SANBR: variants seen among roughly 807,000 people sequenced by gnomAD.
The protein encoded by SANBR is SANT and BTB domain regulator of CSR, also known as SANT and BTB domain regulator of class switch recombination.
A neutral mutation model predicts 101.8 loss-of-function variants in SANBR; 77 were observed. That is an observed-to-expected ratio of 0.76 (90% confidence interval 0.63 to 0.91). The LOEUF (loss-of-function observed/expected upper bound fraction) is 0.91. SANBR is among the 40% of genes least tolerant of loss of function. The pLI is 0.00. For synonymous variants in SANBR, 279 were observed against 274.7 expected (o/e 1.02, Z -0.15); for missense variants, 875 against 853.0 (o/e 1.03, Z -0.32).
intron 6 of SANBR, among the ~76,000 whole-genome samples, chr2:61,078,184 G>A (rs868516980): frequency 1.3e-5 from 2 of 152,116 alleles, no homozygotes; most frequent in Non-Finnish European, 2.9e-5. Context: ...AAAGTCATGC[G>A]TGAGTGAAAG....
chr2:61,098,385 T>C (rs1683135867), intron 12 of SANBR, among the ~76,000 whole-genome samples: 1 of 152,172 alleles, frequency 6.6e-6, no homozygotes, highest in South Asian at 2.1e-4. Flanking sequence ...ATTACAGGTG[T>C]GAGCCACCAC....
At chr2:61,082,489 A>G (rs80199305) in intron 7 of SANBR, among the ~76,000 whole-genome samples, 5,916 of 152,236 alleles carry the variant, frequency 0.039, 125 homozygotes, top group African/African-American at 0.04. Context: ...TCTGCCACCC[A>G]GGGAAAAGGA....
In SANBR at chr2:61,101,694, C is replaced by T. The variant is rs534669725; in HGVS notation, c.1366-2159C>T. Among the ~76,000 whole-genome samples the T allele has an allele frequency of 1.0e-4, 15 of 149,542 alleles. No homozygotes were observed. In the South Asian group the frequency reaches 3.0e-3, roughly 30 times the overall value. ...CTTACAGTGAGCTGAGATCACTGCA[C>T]GGCAGCCTGGGCAACAGAGCGAGAC... is the stretch of plus-strand genomic sequence containing the variant. On this transcript the variant is annotated intron_variant, in intron 12 of 21. Coordinates refer to ENST00000402291, the MANE Select transcript of SANBR (RefSeq NM_001129993.3).
intron 13 of SANBR, among the ~76,000 whole-genome samples, chr2:61,104,728 G>T (rs1486023052): frequency 6.6e-6 from 1 of 151,982 alleles, no homozygotes; most frequent in Non-Finnish European, 1.5e-5. Context: ...TCATCATTTT[G>T]CAATGGCAGC....
In SANBR at chr2:61,091,280, A is replaced by C. The variant is rs77409317; in HGVS notation, c.1089-1184A>C. Among the ~76,000 whole-genome samples the C allele has an allele frequency of 9.0e-4, 137 of 152,112 alleles. 2 individuals are homozygous for C. In the East Asian group the frequency reaches 0.025, roughly 28 times the overall value. On this transcript the variant is annotated intron_variant, in intron 10 of 21. Transcript: ENST00000402291. Reference sequence around the variant, plus strand: ...GCAACATAGTGAGGCCCCCTTCTCTACAAAAATTGTTTTATATTAGCCAGG... The same window carrying C: ...GCAACATAGTGAGGCCCCCTTCTCTCCAAAAATTGTTTTATATTAGCCAGG...
In SANBR at chr2:61,088,379, T is replaced by G. The variant is rs1294235426; in HGVS notation, c.999T>G (p.Leu333=). Residue 333 remains leucine (L), a synonymous_variant, in exon 10 of 22, where the codon CTT becomes CTG. Transcript: ENST00000402291. ...TLYRCCLCKK[L]LTKETERRIP... ...ATAGATGCTGTTTGTGTAAGAAACT[T>G]TTAACAAAAGAAACAGAAAGAAGAA... 6.3e-7 allele frequency: 1 copy of G among 1,596,732 alleles called. No homozygotes were observed. The highest frequency in any genetic ancestry group is 8.5e-7 in the Non-Finnish European group (1 of 1,173,298).
In SANBR at chr2:61,097,866, A is replaced by G. The variant is rs1193393061; in HGVS notation, c.1365+14A>G. ...CAGCTTACAAAGGTGAATTTTGAATATTGCCCTTAGTAGCTACAGTTTTTA... is the reference window on the plus strand; with the variant it reads ...CAGCTTACAAAGGTGAATTTTGAATGTTGCCCTTAGTAGCTACAGTTTTTA... On this transcript the variant is annotated intron_variant, in intron 12 of 21. Transcript: ENST00000402291. 1 of 1,605,324 alleles carries G rather than the reference A, an allele frequency of 6.2e-7. No homozygotes were observed. Among genetic ancestry groups the G allele is most frequent in the Non-Finnish European group, 8.5e-7 (1 of 1,174,630 alleles).
intron 11 of SANBR, 127 bp downstream of exon 11, chr2:61,092,714 G>A: frequency 2.7e-6 from 2 of 745,324 alleles, no homozygotes; most frequent in South Asian, 5.8e-5. Context: ...AAAGAAACTA[G>A]TGGCAGCTGG....
At chr2:61,096,928 C>T (rs770262277) in intron 11 of SANBR, among the ~76,000 whole-genome samples, 8 of 152,144 alleles carry the variant, frequency 5.3e-5, no homozygotes, top group South Asian at 2.1e-4. Context: ...CTGAAGCAGG[C>T]GGATCACCTG....
chr2:61,109,356 C>A (rs1683712680), intron 16 of SANBR, 60 bp downstream of exon 16: 3 of 933,140 alleles, frequency 3.2e-6, no homozygotes, highest in African/African-American at 1.7e-5. Flanking sequence ...CATTCTGAAG[C>A]CTTTAATGCA....
chr2:61,121,120 A>G, intron 20 of SANBR, 65 bp from the exon 21 acceptor site: 1 of 1,140,472 alleles, frequency 8.8e-7, no homozygotes, highest in Middle Eastern at 2.0e-4. Context: ...AAGTAATCCC[A>G]TTTTAATAAA....
intron 19 of SANBR, among the ~76,000 whole-genome samples, chr2:61,117,821 G>A (rs913142232): frequency 6.6e-6 from 1 of 152,128 alleles, no homozygotes; most frequent in Non-Finnish European, 1.5e-5. Flanking sequence ...CTGTTTTATG[G>A]TAATCTAAAA....
chr2:61,122,603 G>A lies in SANBR; in HGVS notation c.*441G>A. ...TCTTGAGATAGCATTGAGAACTGCAGGTTGTGTGACGAAATTCCCAATGAT... is the reference window on the plus strand; with the variant it reads ...TCTTGAGATAGCATTGAGAACTGCAAGTTGTGTGACGAAATTCCCAATGAT... On this transcript the variant is annotated 3_prime_UTR_variant, in exon 22 of 22. Coordinates refer to ENST00000402291, the MANE Select transcript of SANBR (RefSeq NM_001129993.3). 1 of 987,464 alleles carries A rather than the reference G, an allele frequency of 1.0e-6. No individual in the cohort carries two copies. Among genetic ancestry groups the A allele is most frequent in the Non-Finnish European group, 1.2e-6 (1 of 831,296 alleles). The allele number at this position is 987,464 out of a possible 1,614,324, so 61.2% of individuals were successfully genotyped here.
chr2:61,081,614 T>C, intron 7 of SANBR, 104 bp downstream of exon 7: 2 of 1,213,562 alleles, frequency 1.6e-6, no homozygotes, highest in Non-Finnish European at 2.2e-6. Flanking sequence ...TTATTGTTAA[T>C]TGAAAAAACA....
At chr2:61,076,887 ATAAT>A (rs775437393) in intron 5 of SANBR, 29 bp from the exon 6 acceptor site, 8 of 1,482,908 alleles carry the variant, frequency 5.4e-6, no homozygotes, top group Middle Eastern at 3.5e-4. Context: ...TAAAACTCTA[ATAAT>A]TTCATTTTTG....
At chr2:61,078,151 T>C (rs1182201504) in intron 6 of SANBR, among the ~76,000 whole-genome samples, 2 of 152,242 alleles carry the variant, frequency 1.3e-5, no homozygotes, top group African/African-American at 4.8e-5. Flanking sequence ...ATTTTCCAAA[T>C]GACCAATACA....
intron 5 of SANBR, among the ~76,000 whole-genome samples, chr2:61,075,465 C>T (rs1210375575): frequency 6.6e-6 from 1 of 152,044 alleles, no homozygotes; most frequent in Non-Finnish European, 1.5e-5. Flanking sequence ...CACCGGGTTA[C>T]CCAGGCTGGT....
chr2:61,087,737 G>C (rs1184384559), intron 8 of SANBR, among the ~76,000 whole-genome samples: 1 of 151,970 alleles, frequency 6.6e-6, no homozygotes, highest in Non-Finnish European at 1.5e-5. Context: ...TGTAGTCCCA[G>C]CTACTCGGGA....
intron 20 of SANBR, among the ~76,000 whole-genome samples, chr2:61,129,735 A>G (rs1684627830): frequency 6.6e-6 from 1 of 152,088 alleles, no homozygotes; most frequent in African/African-American, 2.4e-5. Flanking sequence ...TGAGAAATAA[A>G]TTTGATGCAA....
Sources: gnomAD v4.1 joint callset for allele counts (sites outside exome capture counted in the v4.1 genomes callset) on GRCh38, gnomAD v4.1.1 for gene constraint, MANE v1.5 for transcripts, NCBI Gene and HGNC (gene_info 2026-07-23, HGNC 2026-07-21) for gene names.